The following ATF1 variants were observed in gnomAD, a reference collection of about 807,000 sequenced individuals.
The protein encoded by ATF1 is activating transcription factor 1, also known as cyclic AMP-dependent transcription factor ATF-1.
Under a neutral mutation model 34.7 loss-of-function variants are expected in ATF1, and 16 were observed. The ratio of observed to expected loss-of-function variants is 0.46; its 90% confidence interval spans 0.31 to 0.70. The LOEUF is 0.70. ATF1 is among the 30% of genes least tolerant of loss of function. ATF1 has a pLI of 0.05. For missense variants in ATF1, 255 were observed against 321.6 expected, an observed-to-expected ratio of 0.79 and a Z score of 1.58; for synonymous variants, 105 against 113.1, an observed-to-expected ratio of 0.93 and a Z score of 0.46.
intron 1 of ATF1, among the ~76,000 whole-genome samples, chr12:50,766,774 C>T (rs1940646955): frequency 6.6e-6 from 1 of 151,796 alleles, no homozygotes; most frequent in African/African-American, 2.4e-5. Flanking sequence ...GGTCTTTTCT[C>T]TGGCCTCCCT....
In ATF1 at chr12:50,773,535, C is replaced by T. The variant is rs1000027016; in HGVS notation, c.-6-6605C>T. Among the ~76,000 whole-genome samples the T allele has an allele frequency of 5.4e-5, 8 of 148,844 alleles. No homozygotes were observed. In the East Asian group the frequency reaches 9.8e-4, roughly 18 times the overall value. The stretch of plus-strand genomic sequence containing the variant: ...CACAATCTTGGCTCACTACAACCTC[C>T]GCCTCCTGGGCAGCCTCCCAAGTAG... On this transcript the variant is annotated intron_variant, in intron 1 of 6. Coordinates refer to ENST00000262053, the MANE Select transcript of ATF1 (RefSeq NM_005171.5).
chr12:50,786,409 C>T (rs1052802046), intron 2 of ATF1, among the ~76,000 whole-genome samples: 16 of 152,064 alleles, frequency 1.1e-4, no homozygotes, highest in African/African-American at 3.6e-4. Flanking sequence ...TGTAGGCAAG[C>T]GTGAGCGTAT....
intron 1 of ATF1, among the ~76,000 whole-genome samples, chr12:50,765,317 G>A (rs1242936549): frequency 6.6e-6 from 1 of 152,270 alleles, no homozygotes; most frequent in African/African-American, 2.4e-5. Flanking sequence ...ATCATATGCA[G>A]TTATCTCCGT....
At chr12:50,773,361 A>G (rs1264069946) in intron 1 of ATF1, among the ~76,000 whole-genome samples, 1 of 151,968 alleles carries the variant, frequency 6.6e-6, no homozygotes, top group Non-Finnish European at 1.5e-5. Context: ...ACAATGGTTG[A>G]ACTAATTTAC....
chr12:50,786,606 G>A (rs1052958768), intron 2 of ATF1, among the ~76,000 whole-genome samples: 1 of 152,066 alleles, frequency 6.6e-6, no homozygotes, highest in Admixed American at 6.6e-5. Context: ...GCTTTAAGCC[G>A]CTGGGAAAAA....
At chr12:50,770,037 A>C (rs892379960) in intron 1 of ATF1, among the ~76,000 whole-genome samples, 2 of 152,238 alleles carry the variant, frequency 1.3e-5, no homozygotes, top group African/African-American at 4.8e-5. Context: ...AGAGTCAAGG[A>C]AACTTTTCAT....
chr12:50,788,557 TC>T (rs1434640860), intron 2 of ATF1, among the ~76,000 whole-genome samples: 3 of 152,000 alleles, frequency 2.0e-5, no homozygotes, highest in African/African-American at 7.3e-5. Flanking sequence ...TGATCATATT[TC>T]TTTGGCCTCA....
At chr12:50,788,127 A>G (rs1941223908) in intron 2 of ATF1, 1 of 426,156 alleles carries the variant, frequency 2.3e-6, no homozygotes, top group East Asian at 7.1e-5. Context: ...TCAGCTGTGT[A>G]AAATGTGGCT....
In ATF1 at chr12:50,778,895, G is replaced by A. The variant is rs141116254; in HGVS notation, c.-6-1245G>A. Among the ~76,000 whole-genome samples the A allele has an allele frequency of 1.2e-4, 18 of 152,212 alleles. No homozygotes were observed. The East Asian group carries it at 3.3e-3, about 28-fold the overall frequency. On this transcript the variant is annotated intron_variant, in intron 1 of 6. Coordinates refer to ENST00000262053, the MANE Select transcript of ATF1 (RefSeq NM_005171.5). ...CATGCCCAGCCCAGAACTTTTTCAT[G>A]CCCATTAAACAGCAGCTCTCCATTT... is the stretch of plus-strand genomic sequence containing the variant.
At chr12:50,770,153 A>G (rs1940736018) in intron 1 of ATF1, among the ~76,000 whole-genome samples, 1 of 152,244 alleles carries the variant, frequency 6.6e-6, no homozygotes, top group African/African-American at 2.4e-5. Context: ...TTTGGAAACT[A>G]GTTGTGAGTA....
chr12:50,789,256 C>T (rs1021866830), intron 2 of ATF1, among the ~76,000 whole-genome samples: 16 of 151,842 alleles, frequency 1.1e-4, no homozygotes, highest in Admixed American at 1.1e-3. Flanking sequence ...TTAGTAGAGA[C>T]GGGGGTTTCG....
At chr12:50,793,022 C>CGTTTTTAG (rs1306035260) in intron 2 of ATF1, among the ~76,000 whole-genome samples, 1 of 152,052 alleles carries the variant, frequency 6.6e-6, no homozygotes, top group African/African-American at 2.4e-5. Flanking sequence ...GGTCATCTCT[C>CGTTTTTAG]GTTTTTAGAA....
chr12:50,802,503 T>C lies in ATF1; in HGVS notation c.194+6494T>C, dbSNP rs142065772. Among the ~76,000 whole-genome samples the C allele has an allele frequency of 5.0e-3, 756 of 152,174 alleles. 21 individuals carry two copies. The highest frequency in any genetic ancestry group is 0.046 in the Admixed American group (696 of 15,264). On this transcript the variant is annotated intron_variant, in intron 3 of 6. Coordinates refer to ENST00000262053, the MANE Select transcript of ATF1 (RefSeq NM_005171.5). ...TTGTGCCATTGCACTCCAGCCTGGG[T>C]GACAAGAGCAAAACTCCATCTCAAA...
chr12:50,814,566 C>T, intron 6 of ATF1, 127 bp downstream of exon 6: 1 of 1,059,020 alleles, frequency 9.4e-7, no homozygotes, highest in Non-Finnish European at 1.3e-6. Context: ...CAATGGACCA[C>T]ATAAATGAAT....
intron 3 of ATF1, among the ~76,000 whole-genome samples, chr12:50,798,660 T>C (rs1013611629): frequency 9.9e-5 from 15 of 152,146 alleles, no homozygotes; most frequent in African/African-American, 3.6e-4. Flanking sequence ...GGCTATAACA[T>C]CTGAAAAGAA....
Position 50,769,638 on chromosome 12 carries a change from T to G in ATF1, c.-7+5331T>G, listed in dbSNP as rs142638010. On this transcript the variant is annotated intron_variant, in intron 1 of 6. Coordinates refer to ENST00000262053, the MANE Select transcript of ATF1 (RefSeq NM_005171.5). ...TTATGGGAAACTCCTATAATTCTAA[T>G]ATGATTTAGTGTATGTTATTAATAA... Among the ~76,000 whole-genome samples, 359 of 152,352 alleles carry G rather than the reference T, an allele frequency of 2.4e-3. 1 individual carries two copies. Among genetic ancestry groups the G allele is most frequent in the African/African-American group, 8.0e-3 (333 of 41,590 alleles).
chr12:50,788,234 G>A, intron 2 of ATF1: 1 of 452,272 alleles, frequency 2.2e-6, no homozygotes, highest in South Asian at 1.6e-5. Context: ...CCAGACTGGT[G>A]TGCAGTAGTG....
rs1941025368 is a variant in ATF1 at position 50,780,195 on chromosome 12, G to T, written c.50G>T (p.Gly17Val). The T allele has an allele frequency of 1.2e-6, 2 of 1,613,890 alleles. No individual in the cohort carries two copies. The highest frequency in any genetic ancestry group is 1.7e-6 in the Non-Finnish European group (2 of 1,179,878). Residue 17 changes from glycine (G) to valine (V), a missense_variant, in exon 2 of 7, where the codon GGT (glycine) becomes GTT (valine). By Grantham distance (109) the Gly-to-Val change is moderately radical. This residue lies in a region of ATF1 where 221 missense variants were observed against 250.7 expected (regional missense o/e 0.88). Coordinates refer to ENST00000262053, the MANE Select transcript of ATF1 (RefSeq NM_005171.5). ...STTSETAPQP[G>V]SAVQGAHISH... ...ACGTCAGAGACAGCACCTCAACCTG[G>T]TTCAGCAGTTCAGGGAGCTCACATT...
rs1247910123 is a variant in ATF1, at chr12:50,820,806, A to G, written c.*1027A>G. The G allele has an allele frequency of 5.6e-6, 1 of 179,608 alleles. No homozygotes were observed. Among genetic ancestry groups the G allele is most frequent in the African/African-American group, 2.4e-5 (1 of 42,420 alleles). 11.1% of individuals were successfully genotyped at this position (179,608 alleles called of 1,614,324 possible). A position where few individuals can be genotyped will look rare whatever the true frequency, so the allele number is the denominator to read the frequency against. On this transcript the variant is annotated 3_prime_UTR_variant, in exon 7 of 7. Transcript: ENST00000262053. ...ACCTTTATAAGAAAAGTGACTGCCA[A>G]TATATTTTTATAGCTGATCTTTATA...
Sources: gnomAD v4.1 joint callset for allele counts (sites outside exome capture counted in the v4.1 genomes callset) on GRCh38, gnomAD v4.1.1 for gene constraint, gnomAD v4.1.1 regional missense constraint, MANE v1.5 for transcripts, NCBI Gene and HGNC (gene_info 2026-07-23, HGNC 2026-07-21) for gene names.